The following ARFGEF3 variants were observed in gnomAD, a reference collection of about 807,000 sequenced individuals.
The protein encoded by ARFGEF3 is brefeldin A-inhibited guanine nucleotide-exchange protein 3.
Under a neutral mutation model 221.7 loss-of-function variants are expected in ARFGEF3, and 96 were observed. The observed-to-expected ratio is 0.43, with a 90% CI of 0.37 to 0.51. The LOEUF (loss-of-function observed/expected upper bound fraction) is 0.51, where lower values mean the gene tolerates loss of function less well. Among genes scored for constraint, ARFGEF3 ranks in the 20% least tolerant of loss-of-function variants. ARFGEF3 has a pLI of 0.00. For missense variants in ARFGEF3, 2,410 were observed against 2,789.9 expected (o/e 0.86, Z 3.07); for synonymous variants, 1,145 against 1,126.8 (o/e 1.02, Z -0.32).
chr6:138,263,321 A>G lies in ARFGEF3; in HGVS notation c.1838A>G (p.Gln613Arg), dbSNP rs764575190. The change falls in exon 12 of 34, where the codon CAG becomes CGG. Residue 613 changes from glutamine to arginine, a missense_variant. Transcript: ENST00000251691. ...LSRTEFDSCD[Q>R]YSMAAEKDSG... The stretch of plus-strand genomic sequence containing the variant: ...AGGACAGAGTTTGATTCCTGTGATC[A>G]GTACTCTATGGCAGCAGAAAAGGAC... 1.2e-6 allele frequency: 2 copies of G among 1,614,008 alleles called. No individual in the cohort carries two copies. Among genetic ancestry groups the G allele is most frequent in the South Asian group, 1.1e-5 (1 of 91,078 alleles).
chr6:138,254,487 T>C (rs1392991098), intron 9 of ARFGEF3, among the ~76,000 whole-genome samples: 2 of 151,420 alleles, frequency 1.3e-5, no homozygotes, highest in Non-Finnish European at 2.9e-5. Context: ...CTCCCTGCAC[T>C]TTGGGAGACC....
chr6:138,267,574 T>C (rs1255396209), intron 12 of ARFGEF3, among the ~76,000 whole-genome samples: 1 of 152,216 alleles, frequency 6.6e-6, no homozygotes, highest in Non-Finnish European at 1.5e-5. Context: ...AGGACTGACT[T>C]CCAAGGGACC....
chr6:138,279,415 A>G (rs1173136914), intron 13 of ARFGEF3, among the ~76,000 whole-genome samples: 1 of 152,302 alleles, frequency 6.6e-6, no homozygotes, highest in Middle Eastern at 3.4e-3. Context: ...GCTCATAAGC[A>G]CTTCCTGTAA....
intron 2 of ARFGEF3, among the ~76,000 whole-genome samples, chr6:138,174,809 A>T (rs189674285): frequency 8.0e-4 from 121 of 152,152 alleles, no homozygotes; most frequent in East Asian, 5.0e-3. Flanking sequence ...TGTTAATTTC[A>T]TGTTAAATAT....
At chr6:138,221,924 G>A (rs190801314) in intron 4 of ARFGEF3, among the ~76,000 whole-genome samples, 129 of 152,336 alleles carry the variant, frequency 8.5e-4, no homozygotes, top group Middle Eastern at 3.4e-3. Flanking sequence ...TTGAGCCAGA[G>A]AGTGATTTGG....
chr6:138,262,149 C>T (rs113902438), intron 11 of ARFGEF3, among the ~76,000 whole-genome samples: 2,207 of 151,540 alleles, frequency 0.015, 46 homozygotes, highest in African/African-American at 0.047. Context: ...ACCCAAAAAA[C>T]CAGTGAGCCA....
intron 31 of ARFGEF3, 79 bp from the exon 32 acceptor site, chr6:138,327,942 C>A: frequency 1.6e-6 from 2 of 1,237,310 alleles, no homozygotes; most frequent in Non-Finnish European, 2.3e-6. Context: ...TCAACTTGCC[C>A]AGGGTCATCC....
chr6:138,201,220 G>A (rs1777530265), intron 2 of ARFGEF3, among the ~76,000 whole-genome samples: 1 of 152,194 alleles, frequency 6.6e-6, no homozygotes, highest in Admixed American at 6.5e-5. Flanking sequence ...CACTGCTGGT[G>A]GGAATGTAAA....
rs1334169670 is a variant in ARFGEF3, at chr6:138,263,188, G to A, written c.1705G>A (p.Val569Ile). 1 of 1,614,020 alleles carries A rather than the reference G, an allele frequency of 6.2e-7. No individual in the cohort carries two copies. The highest frequency in any genetic ancestry group is 2.2e-5 in the East Asian group (1 of 44,886). ...AGATGTCGTGCAGAGAAGCCACACG[G>A]TCCCTTACCCTGACATAACTAACTT... ...QPDVVQRSHT[V>I]PYPDITNFLS... The change falls in exon 12 of 34, where the codon GTC (valine) becomes ATC (isoleucine). Residue 569 changes from valine (V) to isoleucine (I), a missense_variant. Coordinates refer to ENST00000251691, the MANE Select transcript of ARFGEF3 (RefSeq NM_020340.5).
intron 4 of ARFGEF3, among the ~76,000 whole-genome samples, chr6:138,220,288 C>T (rs1777958965): frequency 6.6e-6 from 1 of 152,216 alleles, no homozygotes; most frequent in Non-Finnish European, 1.5e-5. Flanking sequence ...TAGGTGTGAG[C>T]CACTGCAGCC....
intron 1 of ARFGEF3, among the ~76,000 whole-genome samples, chr6:138,164,132 A>G (rs949835914): frequency 4.6e-5 from 7 of 152,246 alleles, no homozygotes; most frequent in African/African-American, 7.2e-5. Flanking sequence ...ACAAAGGCCT[A>G]TAGGGATAGG....
chr6:138,335,212 G>A (rs1464914598), intron 33 of ARFGEF3, 24 bp downstream of exon 33: 66 of 1,502,260 alleles, frequency 4.4e-5, no homozygotes, highest in Non-Finnish European at 5.8e-5. Context: ...GCCACAGCAG[G>A]TGGGCGGGAG....
chr6:138,223,601 A>G (rs537012413), intron 4 of ARFGEF3, among the ~76,000 whole-genome samples: 1 of 152,322 alleles, frequency 6.6e-6, no homozygotes, highest in East Asian at 1.9e-4. Context: ...ACAGTTTAAG[A>G]AAAAGGAAAA....
chr6:138,319,809 C>G lies in ARFGEF3; in HGVS notation c.4581C>G (p.Ala1527=), dbSNP rs753587155. The change falls in exon 28 of 34, where the codon GCC becomes GCG. Residue 1527 remains alanine (A), a synonymous_variant. Transcript: ENST00000251691. ...KDHSYWDMAS[A]NFKHAIGLSC... ...ATTCCTACTGGGATATGGCCTCTGC[C>G]AATTTCAAGCACGCTATTGGTCTGT... 1.2e-6 allele frequency: 2 copies of G among 1,614,004 alleles called. No individual in the cohort carries two copies. Among genetic ancestry groups the G allele is most frequent in the South Asian group, 2.2e-5 (2 of 91,080 alleles).
intron 18 of ARFGEF3, 104 bp downstream of exon 18, chr6:138,290,072 T>C: frequency 1.8e-6 from 2 of 1,084,824 alleles, no homozygotes; most frequent in Non-Finnish European, 2.7e-6. Flanking sequence ...CCTGCCAGCA[T>C]GTAAATCAAT....
intron 2 of ARFGEF3, among the ~76,000 whole-genome samples, chr6:138,181,571 G>A (rs934889936): frequency 6.6e-6 from 1 of 152,158 alleles, no homozygotes; most frequent in African/African-American, 2.4e-5. Context: ...GGCCTCCAGA[G>A]TAGCTGGAGT....
chr6:138,168,137 C>T (rs1472585673), intron 1 of ARFGEF3, among the ~76,000 whole-genome samples: 2 of 152,026 alleles, frequency 1.3e-5, no homozygotes, highest in Non-Finnish European at 2.9e-5. Flanking sequence ...ACATGGTGAG[C>T]AAAACATGCA....
At chr6:138,213,337 A>G (rs1009280297) in intron 4 of ARFGEF3, among the ~76,000 whole-genome samples, 1 of 151,616 alleles carries the variant, frequency 6.6e-6, no homozygotes, top group Non-Finnish European at 1.5e-5. Flanking sequence ...GTGAGCCTGT[A>G]GTGCCAGCTG....
intron 2 of ARFGEF3, among the ~76,000 whole-genome samples, chr6:138,172,077 G>A (rs893661072): frequency 2.0e-5 from 3 of 152,198 alleles, no homozygotes; most frequent in Middle Eastern, 6.8e-3. Flanking sequence ...TTTTCCTGTA[G>A]TAACTGCTAC....
Sources: gnomAD v4.1 joint callset for allele counts (sites outside exome capture counted in the v4.1 genomes callset) on GRCh38, gnomAD v4.1.1 for gene constraint, MANE v1.5 for transcripts, NCBI Gene and HGNC (gene_info 2026-07-23, HGNC 2026-07-21) for gene names.